The following GNG7 variants were observed in gnomAD, a reference collection of about 807,000 sequenced individuals.
GNG7 encodes the protein G protein subunit gamma 7.
Under a neutral mutation model 4.0 loss-of-function variants are expected in GNG7, and 1 was observed. That is an observed-to-expected ratio of 0.25 (90% CI 0.09 to 1.18). GNG7 has a LOEUF of 1.18. GNG7 is among the 50% of genes most tolerant of loss of function. The probability of loss-of-function intolerance (pLI) is 0.50; values close to 1 mark genes in which losing one functional copy is unlikely to be tolerated. For synonymous variants in GNG7, 34 were observed against 36.9 expected (o/e 0.92, Z 0.29); for missense variants, 86 against 91.9 (o/e 0.94, Z 0.26).
intron 2 of GNG7, among the ~76,000 whole-genome samples, chr19:2,571,322 C>T (rs7248782): frequency 0.14 from 21,214 of 152,026 alleles, 1,592 homozygotes; most frequent in African/African-American, 0.2. Flanking sequence ...CCTGCTGATG[C>T]GACAATTCCA....
At chr19:2,543,414 G>C (rs568877450) in intron 3 of GNG7, among the ~76,000 whole-genome samples, 2 of 151,884 alleles carry the variant, frequency 1.3e-5, no homozygotes, top group African/African-American at 4.8e-5. Flanking sequence ...TTTTAGAGCT[G>C]GGGCCTCACC....
intron 3 of GNG7, among the ~76,000 whole-genome samples, chr19:2,521,612 G>GTTTGT (rs1978308961): frequency 2.9e-5 from 3 of 104,690 alleles, no homozygotes; most frequent in Admixed American, 1.1e-4. Flanking sequence ...CCCCCTCCGT[G>GTTTGT]TTTTTTTTTT....
At chr19:2,636,428 C>T (rs767772372) in intron 2 of GNG7, among the ~76,000 whole-genome samples, 6 of 152,162 alleles carry the variant, frequency 3.9e-5, no homozygotes, top group Non-Finnish European at 8.8e-5. Context: ...GACAGGCACC[C>T]CAGGGCCTGA....
chr19:2,700,274 T>C (rs763418178), intron 1 of GNG7, among the ~76,000 whole-genome samples: 4 of 152,066 alleles, frequency 2.6e-5, no homozygotes, highest in African/African-American at 9.7e-5. Context: ...CCCAAGTAGC[T>C]GGGATTACAG....
chr19:2,679,343 AC>A (rs1208606160), intron 1 of GNG7, among the ~76,000 whole-genome samples: 2 of 151,988 alleles, frequency 1.3e-5, no homozygotes, highest in Non-Finnish European at 2.9e-5. Flanking sequence ...GAGCCACCAC[AC>A]CCAGCCAATA....
chr19:2,702,545 C>G (rs956775258), intron 1 of GNG7, 101 bp downstream of exon 1: 1 of 152,212 alleles, frequency 6.6e-6, no homozygotes, highest in African/African-American at 2.4e-5. Flanking sequence ...CGACTCCGAC[C>G]CCCAACTCGG....
intron 1 of GNG7, among the ~76,000 whole-genome samples, chr19:2,691,054 G>A (rs1011388427): frequency 3.3e-5 from 5 of 152,130 alleles, no homozygotes; most frequent in African/African-American, 7.2e-5. Context: ...TGATTATAAC[G>A]AATGTACCAC....
chr19:2,683,100 G>T (rs766592501), intron 1 of GNG7, among the ~76,000 whole-genome samples: 1 of 152,072 alleles, frequency 6.6e-6, no homozygotes, highest in Non-Finnish European at 1.5e-5. Flanking sequence ...TTAGCTGGGC[G>T]TGCTGGCGCA....
intron 3 of GNG7, among the ~76,000 whole-genome samples, chr19:2,535,064 G>C (rs1443187034): frequency 6.6e-6 from 1 of 152,202 alleles, no homozygotes; most frequent in African/African-American, 2.4e-5. Context: ...AAAATTAACA[G>C]TTACAACAAT....
intron 3 of GNG7, among the ~76,000 whole-genome samples, chr19:2,531,080 TG>T (rs1349544083): frequency 6.6e-6 from 1 of 151,646 alleles, no homozygotes; most frequent in African/African-American, 2.4e-5. Flanking sequence ...CCGAGGCAGG[TG>T]GATGACCTGA....
At chr19:2,584,679 G>A in intron 2 of GNG7, among the ~76,000 whole-genome samples, 1 of 94,360 alleles carries the variant, frequency 1.1e-5, no homozygotes, top group Non-Finnish European at 2.2e-5. Flanking sequence ...AAGGAAGGAA[G>A]GAGGGAGGGA....
intron 3 of GNG7, among the ~76,000 whole-genome samples, chr19:2,541,441 T>TA (rs140400562): frequency 0.012 from 1,706 of 139,322 alleles, 40 homozygotes; most frequent in African/African-American, 0.044. Context: ...TGCCTCTAAG[T>TA]AAAAAAATCA....
At chr19:2,584,287 T>TTAAAA (rs1980581235) in intron 2 of GNG7, among the ~76,000 whole-genome samples, 1 of 107,460 alleles carries the variant, frequency 9.3e-6, no homozygotes, top group Admixed American at 1.0e-4. Flanking sequence ...CGCAAAGAAT[T>TTAAAA]AAAAAAAAAA....
chr19:2,636,925 C>T (rs1982323111), intron 2 of GNG7, among the ~76,000 whole-genome samples: 2 of 151,852 alleles, frequency 1.3e-5, no homozygotes, highest in Non-Finnish European at 2.9e-5. Flanking sequence ...CACACCTGCG[C>T]CCATCTGCAC....
intron 1 of GNG7, among the ~76,000 whole-genome samples, chr19:2,682,919 T>C (rs926375883): frequency 1.3e-5 from 2 of 151,698 alleles, no homozygotes; most frequent in African/African-American, 4.8e-5. Context: ...TTCTAGAAGA[T>C]TCCATCCTGG....
chr19:2,653,207 T>C lies in GNG7; in HGVS notation c.-134-6927A>G, dbSNP rs75499527. Among the ~76,000 whole-genome samples the C allele has an allele frequency of 0.015, 2,332 of 152,320 alleles. 68 individuals are homozygous for C. Among genetic ancestry groups the C allele is most frequent in the African/African-American group, 0.053 (2,217 of 41,570 alleles). On this transcript the variant is annotated intron_variant, in intron 1 of 4. Transcript: ENST00000382159. The surrounding 1 kb of genome is among the most constrained non-coding windows in gnomAD (Gnocchi z 4.8). ...AGGGTTATTAAGGTGCTGGTTGTTATTTTTGCTTGTAATTCTGAAAAGGCT... is the reference window on the plus strand; with the variant it reads ...AGGGTTATTAAGGTGCTGGTTGTTACTTTTGCTTGTAATTCTGAAAAGGCT...
intron 1 of GNG7, among the ~76,000 whole-genome samples, chr19:2,670,440 A>G (rs1983422779): frequency 6.6e-6 from 1 of 152,224 alleles, no homozygotes. Context: ...CTGCAGGCAC[A>G]CAGGTCACCC....
intron 2 of GNG7, among the ~76,000 whole-genome samples, chr19:2,581,814 C>T (rs2144791703): frequency 6.6e-6 from 1 of 152,284 alleles, no homozygotes; most frequent in Admixed American, 6.5e-5. Flanking sequence ...CAAGGTTTCA[C>T]AAGGTGACAA....
At chr19:2,604,509 AAGCGAGGGAGGGAGGGAGGGAGGG>A (rs1402143858) in intron 2 of GNG7, among the ~76,000 whole-genome samples, 1 of 131,934 alleles carries the variant, frequency 7.6e-6, no homozygotes, top group African/African-American at 2.7e-5. Flanking sequence ...GGAAGGAAGG[AAGCGAGGGAGGGAGGGAGGGAGGG>A]AGCGAGGGAG....
Sources: gnomAD v4.1 joint callset for allele counts (sites outside exome capture counted in the v4.1 genomes callset) on GRCh38, gnomAD v4.1.1 for gene constraint, Gnocchi (gnomAD v3.1) non-coding constraint, MANE v1.5 for transcripts, NCBI Gene and HGNC (gene_info 2026-07-23, HGNC 2026-07-21) for gene names.